SPATA6: variants seen among roughly 807,000 people sequenced by gnomAD.
SPATA6 encodes the protein spermatogenesis-associated protein 6.
SPATA6 carries 56 observed loss-of-function variants against 65.3 expected under a neutral mutation model. The observed-to-expected ratio is 0.86, with a 90% CI of 0.69 to 1.07. The LOEUF is 1.07. SPATA6 is among the 50% of genes least tolerant of loss of function. The pLI, the probability that SPATA6 is intolerant of heterozygous loss-of-function variation, is 0.00. For missense variants in SPATA6, 590 were observed against 594.8 expected, an observed-to-expected ratio of 0.99 and a Z score of 0.08; for synonymous variants, 199 against 213.2, an observed-to-expected ratio of 0.93 and a Z score of 0.58.
intron 3 of SPATA6, among the ~76,000 whole-genome samples, chr1:48,444,278 CTCTG>C (rs1017144787): frequency 2.6e-4 from 40 of 151,890 alleles, no homozygotes; most frequent in Non-Finnish European, 3.7e-4. Context: ...CCAATCAGCA[CTCTG>C]TCTACCAAAA....
the SPATA6 span, chr1:48,262,707 G>T: frequency 6.6e-6 from 1 of 152,056 alleles, no homozygotes; most frequent in Non-Finnish European, 1.5e-5. Flanking sequence ...AAAAATGCAA[G>T]AATATTGCAA....
chr1:48,394,577 C>T (rs926990635), intron 8 of SPATA6, among the ~76,000 whole-genome samples: 2 of 151,944 alleles, frequency 1.3e-5, no homozygotes, highest in Non-Finnish European at 2.9e-5. Context: ...TGTTTAATCT[C>T]ATCATTAAAA....
chr1:48,462,025 T>C (rs1282311862), intron 1 of SPATA6, among the ~76,000 whole-genome samples: 1 of 152,200 alleles, frequency 6.6e-6, no homozygotes, highest in African/African-American at 2.4e-5. Context: ...TAAAAAATGA[T>C]GAGTTCATGT....
intron 11 of SPATA6, among the ~76,000 whole-genome samples, chr1:48,348,231 C>A (rs1437179055): frequency 1.3e-5 from 2 of 151,924 alleles, no homozygotes; most frequent in South Asian, 2.1e-4. Context: ...CCAGTACTCA[C>A]CCAAGGGGAC....
chr1:48,270,418 C>T, the SPATA6 span, among the ~76,000 whole-genome samples: 1 of 152,054 alleles, frequency 6.6e-6, no homozygotes, highest in Non-Finnish European at 1.5e-5. Flanking sequence ...AACATATGAA[C>T]TATAACAAAC....
chr1:48,311,008 C>T (rs1180379592), intron 11 of SPATA6, among the ~76,000 whole-genome samples: 1 of 152,022 alleles, frequency 6.6e-6, no homozygotes, highest in Non-Finnish European at 1.5e-5. Flanking sequence ...ACAAGGGACA[C>T]TAGAAAATGC....
chr1:48,274,142 T>A, the SPATA6 span, among the ~76,000 whole-genome samples: 1 of 152,230 alleles, frequency 6.6e-6, no homozygotes, highest in African/African-American at 2.4e-5. Flanking sequence ...ATAAATGTCT[T>A]CTTTTGAGAA....
At chr1:48,335,337 CAA>C (rs111941315) in intron 11 of SPATA6, among the ~76,000 whole-genome samples, 52 of 142,852 alleles carry the variant, frequency 3.6e-4, no homozygotes, top group Middle Eastern at 3.5e-3. Context: ...CAATCCTAGG[CAA>C]AAAAAAAAGA....
intron 1 of SPATA6, among the ~76,000 whole-genome samples, chr1:48,471,730 G>A (rs1012604021): frequency 2.0e-5 from 3 of 152,226 alleles, no homozygotes; most frequent in Non-Finnish European, 4.4e-5. Context: ...CAAGTTGGAA[G>A]TCGGGTTGAA....
intron 1 of SPATA6, among the ~76,000 whole-genome samples, chr1:48,457,576 C>T (rs1463168797): frequency 6.6e-6 from 1 of 152,130 alleles, no homozygotes; most frequent in African/African-American, 2.4e-5. Context: ...AAACATGAAG[C>T]CAGTAGGCAG....
chr1:48,328,553 G>A (rs966044472), intron 11 of SPATA6, among the ~76,000 whole-genome samples: 2 of 151,992 alleles, frequency 1.3e-5, no homozygotes, highest in Non-Finnish European at 2.9e-5. Context: ...TGTGCAGAAT[G>A]GGCATCTACA....
intron 8 of SPATA6, among the ~76,000 whole-genome samples, chr1:48,386,469 C>G (rs1310839065): frequency 6.6e-6 from 1 of 152,064 alleles, no homozygotes; most frequent in African/African-American, 2.4e-5. Context: ...CTAAGAAAAA[C>G]CAAAAGAGCA....
At chr1:48,360,873 T>G (rs143908515) in intron 9 of SPATA6, among the ~76,000 whole-genome samples, 1 of 152,090 alleles carries the variant, frequency 6.6e-6, no homozygotes, top group Admixed American at 6.6e-5. Context: ...AGCCAACAGG[T>G]CACAACTGGT....
intron 11 of SPATA6, among the ~76,000 whole-genome samples, chr1:48,329,248 T>C (rs958812867): frequency 6.6e-6 from 1 of 152,054 alleles, no homozygotes; most frequent in Non-Finnish European, 1.5e-5. Flanking sequence ...ATAATACAAA[T>C]ACAACATAAA....
chr1:48,349,225 G>A (rs1646451050), intron 11 of SPATA6, among the ~76,000 whole-genome samples: 1 of 151,860 alleles, frequency 6.6e-6, no homozygotes, highest in Admixed American at 6.6e-5. Context: ...TTACTTTCTT[G>A]CTACAACCAC....
chr1:48,282,397 A>T, the SPATA6 span, among the ~76,000 whole-genome samples: 2 of 152,216 alleles, frequency 1.3e-5, no homozygotes, highest in African/African-American at 4.8e-5. Flanking sequence ...GTAAACAGGC[A>T]ACCTACAAAA....
At chr1:48,326,680 A>G (rs1252177557) in intron 11 of SPATA6, among the ~76,000 whole-genome samples, 1 of 152,182 alleles carries the variant, frequency 6.6e-6, no homozygotes, top group African/African-American at 2.4e-5. Flanking sequence ...TAATCAATGG[A>G]ATAGAATAGA....
chr1:48,447,582 T>A (rs1656181420), intron 3 of SPATA6, among the ~76,000 whole-genome samples: 2 of 152,162 alleles, frequency 1.3e-5, no homozygotes, highest in South Asian at 2.1e-4. Flanking sequence ...CTAACTCCCA[T>A]CTTGTTCAAA....
chr1:48,340,852 T>C (rs549763811), intron 11 of SPATA6, among the ~76,000 whole-genome samples: 37 of 152,226 alleles, frequency 2.4e-4, no homozygotes, highest in Middle Eastern at 3.4e-3. Context: ...CCAAAGAAAG[T>C]TGGTGTGACT....
Sources: gnomAD v4.1 joint callset for allele counts (sites outside exome capture counted in the v4.1 genomes callset) on GRCh38, gnomAD v4.1.1 for gene constraint, MANE v1.5 for transcripts, NCBI Gene and HGNC (gene_info 2026-07-23, HGNC 2026-07-21) for gene names.